Variants in RCOR1 observed in about 807,000 individuals in gnomAD.
RCOR1 encodes REST corepressor 1.
In RCOR1, 12 loss-of-function variants were observed where a neutral mutation model predicts 64.0. That is an observed-to-expected ratio of 0.19 (90% CI 0.12 to 0.30). RCOR1 has a LOEUF of 0.30. Among genes scored for constraint, RCOR1 ranks in the 10% least tolerant of loss-of-function variants. The pLI, the probability that RCOR1 is intolerant of heterozygous loss-of-function variation, is 1.00. For missense variants in RCOR1, 502 were observed against 621.2 expected (o/e 0.81, Z 2.04); for synonymous variants, 279 against 227.2 (o/e 1.23, Z -2.05).
chr14:102,635,763 G>A (rs1350104303), intron 2 of RCOR1, among the ~76,000 whole-genome samples: 3 of 152,006 alleles, frequency 2.0e-5, no homozygotes, highest in Non-Finnish European at 4.4e-5. Context: ...TCCTGGAAGT[G>A]GAATTGGTGA....
intron 2 of RCOR1, among the ~76,000 whole-genome samples, chr14:102,619,391 A>G (rs1004130635): frequency 3.3e-5 from 5 of 151,286 alleles, no homozygotes; most frequent in African/African-American, 4.9e-5. Flanking sequence ...AAATGCTGAG[A>G]TTACAGATGT....
chr14:102,610,707 C>T (rs1482619031), intron 2 of RCOR1, among the ~76,000 whole-genome samples: 7 of 152,004 alleles, frequency 4.6e-5, no homozygotes, highest in South Asian at 2.1e-4. Flanking sequence ...GGACTGTAGG[C>T]GCCCACCACC....
At chr14:102,686,273 T>C (rs1895416312) in intron 3 of RCOR1, among the ~76,000 whole-genome samples, 1 of 152,164 alleles carries the variant, frequency 6.6e-6, no homozygotes. Context: ...TTGTTTAAAA[T>C]AGATTTTATA....
intron 2 of RCOR1, among the ~76,000 whole-genome samples, chr14:102,677,601 T>C (rs1289563986): frequency 2.1e-5 from 2 of 95,716 alleles, no homozygotes; most frequent in African/African-American, 8.8e-5. Context: ...TCTCAGACGA[T>C]GGGCGGCCGG....
chr14:102,652,863 A>T (rs979414657), intron 2 of RCOR1, among the ~76,000 whole-genome samples: 2 of 152,202 alleles, frequency 1.3e-5, no homozygotes, highest in Non-Finnish European at 2.9e-5. Flanking sequence ...GGGAGTGTGG[A>T]TAAAAAACTG....
chr14:102,690,203 C>G (rs915843219), intron 3 of RCOR1, among the ~76,000 whole-genome samples: 1 of 152,154 alleles, frequency 6.6e-6, no homozygotes. Context: ...CTATGACATA[C>G]GCACAATTCA....
intron 2 of RCOR1, chr14:102,643,275 C>G (rs1362802600): frequency 1.1e-6 from 1 of 919,896 alleles, no homozygotes; most frequent in Non-Finnish European, 1.3e-6. Context: ...CAGAGCGAGA[C>G]TCCGTCTCAA....
intron 2 of RCOR1, among the ~76,000 whole-genome samples, chr14:102,665,764 A>G (rs1002235867): frequency 6.6e-6 from 1 of 152,198 alleles, no homozygotes. Flanking sequence ...CTCTTTTCAA[A>G]TGTGGACTAC....
intron 3 of RCOR1, among the ~76,000 whole-genome samples, chr14:102,698,061 C>T (rs1035256379): frequency 2.0e-5 from 3 of 152,164 alleles, no homozygotes; most frequent in African/African-American, 4.8e-5. Flanking sequence ...TAAAGGTTAC[C>T]TTAGTAAGAA....
chr14:102,661,653 C>T (rs1311408717), intron 2 of RCOR1, among the ~76,000 whole-genome samples: 1 of 152,154 alleles, frequency 6.6e-6, no homozygotes, highest in African/African-American at 2.4e-5. Flanking sequence ...GTTCCTTCAG[C>T]GCAGGACGGG....
intron 2 of RCOR1, among the ~76,000 whole-genome samples, chr14:102,611,602 T>C (rs1166277854): frequency 2.0e-5 from 3 of 152,224 alleles, no homozygotes; most frequent in African/African-American, 7.2e-5. Flanking sequence ...GAGATGTGGT[T>C]AAAATACTTA....
chr14:102,632,219 T>G (rs1169283149), intron 2 of RCOR1, among the ~76,000 whole-genome samples: 1 of 9,138 alleles, frequency 1.1e-4, no homozygotes, highest in African/African-American at 2.2e-4. Context: ...GTTTGTTGGG[T>G]TTTTTTTTTT....
intron 7 of RCOR1, among the ~76,000 whole-genome samples, chr14:102,711,232 A>G (rs1470930741): frequency 6.6e-6 from 1 of 152,260 alleles, no homozygotes; most frequent in Non-Finnish European, 1.5e-5. Context: ...AGAAAATAGC[A>G]CTAATGAGTA....
In RCOR1 at chr14:102,707,459, T is replaced by C; in HGVS notation, c.607T>C (p.Phe203Leu). 1 of 1,612,228 alleles carries C rather than the reference T, an allele frequency of 6.2e-7. No homozygotes were observed. The highest frequency in any genetic ancestry group is 8.5e-7 in the Non-Finnish European group (1 of 1,179,462). Residue 203 changes from phenylalanine to leucine, a missense_variant, in exon 5 of 12, where the codon TTT becomes CTT. This residue lies in a region of RCOR1 where 260 missense variants were observed against 416.4 expected (regional missense o/e 0.62). Coordinates refer to ENST00000262241, the MANE Select transcript of RCOR1 (RefSeq NM_015156.4). ...GTGGACTGTGGAAGATAAAGTCTTA[T>C]TTGAGCAAGCCTTTAGTTTTCATGG... ...DEWTVEDKVL[F>L]EQAFSFHGKT... is the part of the protein sequence containing the mutation.
chr14:102,719,614 A>G (rs538381468), intron 8 of RCOR1, among the ~76,000 whole-genome samples: 2 of 152,294 alleles, frequency 1.3e-5, no homozygotes, highest in South Asian at 4.1e-4. Flanking sequence ...ATTCCATGGT[A>G]TATATGCAGC....
chr14:102,676,349 C>A (rs1414249434), intron 2 of RCOR1, among the ~76,000 whole-genome samples: 1 of 140,026 alleles, frequency 7.1e-6, no homozygotes, highest in Non-Finnish European at 1.5e-5. Context: ...GCTGACCCCC[C>A]CACCACCCTC....
At chr14:102,594,663 T>C (rs1471045167) in intron 2 of RCOR1, among the ~76,000 whole-genome samples, 1 of 142,418 alleles carries the variant, frequency 7.0e-6, no homozygotes, top group Non-Finnish European at 1.5e-5. Flanking sequence ...TCCCCAATTC[T>C]TTTTTTTTTT....
rs1286809192 is a variant in RCOR1, at chr14:102,658,589, C to A, written c.362-23306C>A. On this transcript the variant is annotated intron_variant, in intron 2 of 11. Transcript: ENST00000262241. ...AACAGGATGGCTACCTACCTACCCCCCATCCTTTTCCTGTATGCTATGGAT... is the reference window on the plus strand; with the variant it reads ...AACAGGATGGCTACCTACCTACCCCACATCCTTTTCCTGTATGCTATGGAT... 5 of 985,294 alleles carry A rather than the reference C, an allele frequency of 5.1e-6. No homozygotes were observed. The African/African-American group carries it at 8.7e-5, about 17-fold the overall frequency. The allele number at this position is 985,294 out of a possible 1,614,324, so 61.0% of individuals were successfully genotyped here. A position where few individuals can be genotyped will look rare whatever the true frequency, so the allele number is the denominator to read the frequency against.
chr14:102,683,619 G>A (rs1222705903), intron 3 of RCOR1, among the ~76,000 whole-genome samples: 1 of 152,236 alleles, frequency 6.6e-6, no homozygotes, highest in Admixed American at 6.5e-5. Flanking sequence ...CTTCTCTTGG[G>A]AATCGGAGGA....
Sources: allele counts gnomAD v4.1 joint callset (sites outside exome capture counted in the v4.1 genomes callset), GRCh38; gene constraint gnomAD v4.1.1; regional missense constraint gnomAD v4.1.1; transcripts MANE v1.5; gene names NCBI Gene and HGNC (gene_info 2026-07-23, HGNC 2026-07-21).